The following LRTM3 variants were observed in gnomAD, a reference collection of about 807,000 sequenced individuals.
LRTM3 encodes the protein leucine rich repeat transmembrane protein 3.
chr13:102,745,603 G>T, the LRTM3 span: 1 of 1,550,972 alleles, frequency 6.4e-7, no homozygotes, highest in South Asian at 1.2e-5. Context: ...AAGTTTTCAT[G>T]TCTGAAAATT....
At chr13:102,736,010 A>T in the LRTM3 span, 8 of 1,549,732 alleles carry the variant, frequency 5.2e-6, no homozygotes, top group Non-Finnish European at 7.0e-6. Context: ...CCTTTTGGGG[A>T]GTATTCTACC....
the LRTM3 span, chr13:102,741,805 A>T: frequency 1.9e-5 from 29 of 1,550,482 alleles, no homozygotes; most frequent in Non-Finnish European, 2.5e-5. Context: ...CTCTTTGTGC[A>T]ATGAGGAATT....
At chr13:102,735,329 T>C in the LRTM3 span, 98 of 1,551,160 alleles carry the variant, frequency 6.3e-5, no homozygotes, top group Non-Finnish European at 7.8e-5. Context: ...AAGTTCTCCA[T>C]GGGTTGCTTC....
the LRTM3 span, chr13:102,732,935 A>C: frequency 9.7e-6 from 15 of 1,551,476 alleles, no homozygotes; most frequent in Non-Finnish European, 1.2e-5. Context: ...GGGAGGGAAT[A>C]GGGACTTCGG....
the LRTM3 span, chr13:102,738,401 A>C: frequency 6.4e-7 from 1 of 1,550,808 alleles, no homozygotes; most frequent in East Asian, 2.4e-5. Context: ...CCTTGTATCC[A>C]GTTGTAAATG....
the LRTM3 span, chr13:102,743,563 T>G: frequency 6.5e-7 from 1 of 1,549,838 alleles, no homozygotes; most frequent in Non-Finnish European, 8.7e-7. Context: ...ATAACTGTAT[T>G]GTGTTTATCT....
the LRTM3 span, chr13:102,745,018 T>C: frequency 1.3e-6 from 2 of 1,550,776 alleles, no homozygotes; most frequent in Non-Finnish European, 1.7e-6. Context: ...TTGAATTTAC[T>C]GTACATATTG....
the LRTM3 span, chr13:102,731,233 A>C: frequency 6.4e-7 from 1 of 1,551,382 alleles, no homozygotes; most frequent in Non-Finnish European, 8.7e-7. Context: ...CAAGAGGTGA[A>C]TCCTTTTGGT....
the LRTM3 span, chr13:102,746,339 G>C: frequency 6.4e-7 from 1 of 1,550,736 alleles, no homozygotes; most frequent in Non-Finnish European, 8.7e-7. Context: ...TCTGTCATGG[G>C]ATATGCTATT....
chr13:102,740,028 T>C, the LRTM3 span: 1 of 1,550,318 alleles, frequency 6.5e-7, no homozygotes, highest in African/African-American at 1.4e-5. Context: ...ACGCTATCCT[T>C]CTGTCCTTTA....
the LRTM3 span, chr13:102,729,611 G>T: frequency 6.5e-7 from 1 of 1,545,564 alleles, no homozygotes; most frequent in Non-Finnish European, 8.7e-7. Context: ...AATGGTTTTG[G>T]GTATAACCTC....
chr13:102,735,708 T>C, the LRTM3 span: 1 of 1,551,116 alleles, frequency 6.4e-7, no homozygotes, highest in Non-Finnish European at 8.7e-7. Flanking sequence ...TTGCTTAATG[T>C]GTAACCATGC....
the LRTM3 span, chr13:102,734,796 C>G: frequency 6.4e-7 from 1 of 1,551,096 alleles, no homozygotes; most frequent in South Asian, 1.2e-5. Context: ...TTGGTCAGAA[C>G]CACACCTGGT....
At chr13:102,756,458 A>AG in the LRTM3 span, among the ~76,000 whole-genome samples, 2 of 151,490 alleles carry the variant, frequency 1.3e-5, no homozygotes, top group African/African-American at 2.4e-5. Context: ...GGATCACCTG[A>AG]GGTCAGGGGT....
At chr13:102,737,069 G>T in the LRTM3 span, 1 of 1,551,118 alleles carries the variant, frequency 6.4e-7, no homozygotes, top group South Asian at 1.2e-5. Flanking sequence ...TACTTCTCTA[G>T]TTTTTGAGCC....
the LRTM3 span, chr13:102,742,296 T>C: frequency 4.5e-6 from 7 of 1,549,978 alleles, 1 homozygote; most frequent in South Asian, 7.1e-5. Flanking sequence ...ATCTGTTTGG[T>C]ATGCATAGTA....
the LRTM3 span, chr13:102,744,562 T>C: frequency 6.4e-7 from 1 of 1,550,592 alleles, no homozygotes; most frequent in Non-Finnish European, 8.7e-7. Flanking sequence ...CTCTAAAGTG[T>C]GTTTCTTGCT....
chr13:102,732,098 G>A, the LRTM3 span: 1 of 1,551,338 alleles, frequency 6.4e-7, no homozygotes, highest in Non-Finnish European at 8.7e-7. Flanking sequence ...AACTGTGTTT[G>A]TAAAATTCTG....
At chr13:102,733,387 T>TA in the LRTM3 span, 3 of 1,551,330 alleles carry the variant, frequency 1.9e-6, no homozygotes, top group South Asian at 3.6e-5. Context: ...GTTCTGGAGA[T>TA]ACTTTCGATG....
Sources: allele counts gnomAD v4.1 joint callset (sites outside exome capture counted in the v4.1 genomes callset), GRCh38; gene constraint gnomAD v4.1.1; transcripts MANE v1.5; gene names NCBI Gene and HGNC (gene_info 2026-07-23, HGNC 2026-07-21).